Variants in SPG7 observed in about 807,000 individuals in gnomAD.
SPG7 encodes SPG7 matrix AAA peptidase subunit, paraplegin.
Under a neutral mutation model 81.9 loss-of-function variants are expected in SPG7, and 103 were observed. The observed-to-expected ratio is 1.26, with a 90% CI of 1.07 to 1.48. The LOEUF is 1.48. Among genes scored for constraint, SPG7 ranks in the 40% most tolerant of loss-of-function variants. The pLI, the probability that SPG7 is intolerant of heterozygous loss-of-function variation, is 0.00. For synonymous variants in SPG7, 534 were observed against 444.2 expected, an observed-to-expected ratio of 1.20 and a Z score of -2.54; for missense variants, 1,241 against 1,087.3, an observed-to-expected ratio of 1.14 and a Z score of -1.99.
At chr16:89,516,036 A>G (rs1344816959) in intron 3 of SPG7, among the ~76,000 whole-genome samples, 1 of 150,970 alleles carries the variant, frequency 6.6e-6, no homozygotes, top group East Asian at 2.0e-4. Flanking sequence ...TTCCCAGGCT[A>G]GAGTGCAATG....
Position 89,529,299 on chromosome 16 carries a change from A to G in SPG7, c.759-178A>G. 3 of 643,454 alleles carry G rather than the reference A, an allele frequency of 4.7e-6. No homozygotes were observed. The South Asian group carries it at 5.2e-5, about 11-fold the overall frequency. 39.9% of individuals were successfully genotyped at this position (643,454 alleles called of 1,614,324 possible). On this transcript the variant is annotated intron_variant, in intron 5 of 16. Transcript: ENST00000645818. ...GAAGCTTTCATGAAAAAGCACAGTC[A>G]GCGAGAATGAGACGAGAGAACCCAT...
At chr16:89,526,105 G>A (rs1286832739) in intron 4 of SPG7, among the ~76,000 whole-genome samples, 6 of 152,168 alleles carry the variant, frequency 3.9e-5, no homozygotes, top group Non-Finnish European at 7.4e-5. Context: ...CCCCATCGTA[G>A]GTCAAGGAGC....
intron 3 of SPG7, chr16:89,522,878 C>G (rs1298285636): frequency 6.5e-6 from 1 of 152,676 alleles, no homozygotes; most frequent in Admixed American, 6.5e-5. Flanking sequence ...TCCTCAGAGG[C>G]GTCTCCCTGG....
chr16:89,537,343 A>G, intron 9 of SPG7: 5 of 1,174,128 alleles, frequency 4.3e-6, no homozygotes, highest in Non-Finnish European at 5.3e-6. Context: ...ATGGACGTCC[A>G]GGTCCCGGCT....
At chr16:89,511,458 C>A (rs527523239) in intron 2 of SPG7, among the ~76,000 whole-genome samples, 16 of 152,344 alleles carry the variant, frequency 1.1e-4, no homozygotes, top group African/African-American at 3.6e-4. Flanking sequence ...ATTTCTACTC[C>A]TAACTAACAT....
intron 9 of SPG7, chr16:89,537,695 G>A: frequency 4.1e-6 from 4 of 982,948 alleles, no homozygotes; most frequent in Non-Finnish European, 4.8e-6. Flanking sequence ...TTTTCAGTCT[G>A]TGAAAAATAA....
At chr16:89,551,407 G>A in intron 13 of SPG7, 1 of 154,998 alleles carries the variant, frequency 6.5e-6, no homozygotes, top group Admixed American at 6.3e-5. Flanking sequence ...AAAGTTGCGT[G>A]TTAATCAGAG....
Position 89,553,523 on chromosome 16 carries a change from G to GGCTTGT in SPG7, c.1937-265_1937-260dup, listed in dbSNP as rs1447436356. 1.5e-5 allele frequency: 8 copies of GGCTTGT among 550,668 alleles called. No individual in the cohort carries two copies. In the East Asian group the frequency reaches 2.5e-4, roughly 17 times the overall value. 34.1% of individuals were successfully genotyped at this position (550,668 alleles called of 1,614,324 possible). On this transcript the variant is annotated intron_variant, in intron 14 of 16. Coordinates refer to ENST00000645818, the MANE Select transcript of SPG7 (RefSeq NM_003119.4). ...CATGGGTTTGCCTCGCATAGGCCTG[G>GGCTTGT]GCTTGTGCTTGAGAACTGCCATGCA...
intron 3 of SPG7, among the ~76,000 whole-genome samples, chr16:89,513,794 C>A (rs1410138104): frequency 2.6e-5 from 4 of 152,192 alleles, no homozygotes; most frequent in African/African-American, 9.7e-5. Context: ...CAGAGCTCAT[C>A]TTTCTAGAAA....
intron 9 of SPG7, among the ~76,000 whole-genome samples, chr16:89,535,197 G>C (rs1302977899): frequency 6.6e-6 from 1 of 152,218 alleles, no homozygotes; most frequent in Admixed American, 6.5e-5. Context: ...CGCTGCACCT[G>C]TCGCTGGCGG....
chr16:89,546,765 G>A lies in SPG7; in HGVS notation c.1552+5G>A, dbSNP rs370191166. On this transcript the variant is annotated splice_donor_5th_base_variant and intron_variant, in intron 11 of 16. Coordinates refer to ENST00000645818, the MANE Select transcript of SPG7 (RefSeq NM_003119.4). ...AGCTGACACCAGGATTCAGTGGTACGTTCTCAACCCGCAGCCTGGGCAGCG... is the reference window on the plus strand; with the variant it reads ...AGCTGACACCAGGATTCAGTGGTACATTCTCAACCCGCAGCCTGGGCAGCG... The A allele has an allele frequency of 4.4e-6, 7 of 1,597,194 alleles. No individual in the cohort carries two copies. The highest frequency in any genetic ancestry group is 2.2e-5 in the East Asian group (1 of 44,814).
chr16:89,528,207 G>A (rs940320852), intron 5 of SPG7, among the ~76,000 whole-genome samples: 3 of 151,970 alleles, frequency 2.0e-5, no homozygotes, highest in South Asian at 4.2e-4. Context: ...TGGCTAACAC[G>A]ACGAAACCCC....
At chr16:89,545,995 G>A (rs536712159) in intron 10 of SPG7, 1 of 415,530 alleles carries the variant, frequency 2.4e-6, no homozygotes, top group Non-Finnish European at 4.7e-6. Context: ...CCGCCGTGCT[G>A]GTTAATTTTT....
Position 89,530,787 on chromosome 16 carries a change from C to A in SPG7, c.966C>A (p.Arg322=), listed in dbSNP as rs372588840. The A allele has an allele frequency of 6.2e-7, 1 of 1,614,030 alleles. No homozygotes were observed. The highest frequency in any genetic ancestry group is 1.3e-5 in the African/African-American group (1 of 74,996). ...AGMHEAKLEV[R]EFVDYLKSPE... Reference sequence around the variant, plus strand: ...TGCACGAAGCCAAACTGGAAGTCCGCGAGTTTGTGGATTATCTGAAGGTGA... The same window carrying A: ...TGCACGAAGCCAAACTGGAAGTCCGAGAGTTTGTGGATTATCTGAAGGTGA... The change falls in exon 7 of 17, where the codon CGC becomes CGA. Residue 322 remains arginine (R), a synonymous_variant. Coordinates refer to ENST00000645818, the MANE Select transcript of SPG7 (RefSeq NM_003119.4).
At chr16:89,522,103 C>T (rs1013166097) in intron 3 of SPG7, 2 of 152,168 alleles carry the variant, frequency 1.3e-5, no homozygotes, top group Non-Finnish European at 2.9e-5. Context: ...CTGAAATAAG[C>T]GGTGGGCTTT....
chr16:89,528,235 A>G (rs759344749), intron 5 of SPG7, among the ~76,000 whole-genome samples: 28 of 151,444 alleles, frequency 1.8e-4, no homozygotes, highest in Non-Finnish European at 3.7e-4. Flanking sequence ...CTAAAAATAC[A>G]AAAAAAATTA....
Position 89,554,568 on chromosome 16 carries a change from G to T in SPG7, c.2181+5G>T, listed in dbSNP as rs756987831. 3.1e-6 allele frequency: 5 copies of T among 1,605,270 alleles called. No homozygotes were observed. Among genetic ancestry groups the T allele is most frequent in the African/African-American group, 1.3e-5 (1 of 74,730 alleles). On this transcript the variant is annotated splice_donor_5th_base_variant and intron_variant, in intron 16 of 16. Transcript: ENST00000645818. ...AACCTGGACAAGTTGCAGGCGGTGA[G>T]GCCCTGGCCAGGCGTGGGGGCTACG... is the stretch of plus-strand genomic sequence containing the variant.
chr16:89,543,285 C>G (rs927495957), intron 9 of SPG7: 1 of 148,758 alleles, frequency 6.7e-6, no homozygotes, highest in Non-Finnish European at 1.5e-5. Context: ...CCTGTTCTTA[C>G]ATTAGTCAAG....
intron 13 of SPG7, 32 bp downstream of exon 13, chr16:89,550,641 C>T (rs761175713): frequency 6.6e-6 from 10 of 1,520,106 alleles, no homozygotes; most frequent in Non-Finnish European, 9.1e-6. Context: ...CTCCACGGGC[C>T]TTGGCCAAAG....
Sources: gnomAD v4.1 joint callset for allele counts (sites outside exome capture counted in the v4.1 genomes callset) on GRCh38, gnomAD v4.1.1 for gene constraint, MANE v1.5 for transcripts, NCBI Gene and HGNC (gene_info 2026-07-23, HGNC 2026-07-21) for gene names.